The following ADIPOR2 variants were observed in gnomAD, a reference collection of about 807,000 sequenced individuals.
The protein encoded by ADIPOR2 is adiponectin receptor 2.
A neutral mutation model predicts 40.9 loss-of-function variants in ADIPOR2; 18 were observed. That is an observed-to-expected ratio of 0.44 (90% CI 0.30 to 0.65). The LOEUF is 0.65. Ranked by LOEUF, ADIPOR2 falls within the 30% of genes least tolerant of loss-of-function variation. ADIPOR2 has a pLI of 0.09. For missense variants in ADIPOR2, 283 were observed against 479.2 expected (o/e 0.59, Z 3.82); for synonymous variants, 165 against 166.4 (o/e 0.99, Z 0.06).
At chr12:1,736,411 C>G (rs546127047) in intron 1 of ADIPOR2, among the ~76,000 whole-genome samples, 60 of 152,238 alleles carry the variant, frequency 3.9e-4, no homozygotes, top group African/African-American at 1.4e-3. Context: ...TCTGATGGTA[C>G]TTTGTATTTC....
intron 1 of ADIPOR2, among the ~76,000 whole-genome samples, chr12:1,723,914 A>G (rs2094702766): frequency 6.6e-6 from 1 of 152,186 alleles, no homozygotes; most frequent in Admixed American, 6.5e-5. Flanking sequence ...AAATGCTGGA[A>G]GTAGTCCAGC....
Position 1,712,133 on chromosome 12 carries a change from G to A in ADIPOR2, c.-87+20942G>A, listed in dbSNP as rs151127175. 8.3e-4 allele frequency among the ~76,000 whole-genome samples: 127 copies of A among 152,206 alleles called. 1 individual carries two copies. Among genetic ancestry groups the A allele is most frequent in the African/African-American group, 2.9e-3 (120 of 41,484 alleles). On this transcript the variant is annotated intron_variant, in intron 1 of 7. Transcript: ENST00000357103. ...ATTCTTCACAGATGAACTGCCATCA[G>A]TGTATAGGTTAAGGTCAGGATTAGC...
chr12:1,708,459 T>C (rs1265362796), intron 1 of ADIPOR2, among the ~76,000 whole-genome samples: 2 of 152,210 alleles, frequency 1.3e-5, no homozygotes, highest in Non-Finnish European at 2.9e-5. Context: ...ACCAAGGTTG[T>C]AAAGATTTTC....
At chr12:1,728,296 A>G (rs2094712099) in intron 1 of ADIPOR2, among the ~76,000 whole-genome samples, 1 of 151,704 alleles carries the variant, frequency 6.6e-6, no homozygotes, top group South Asian at 2.1e-4. Flanking sequence ...TATTTTTAGT[A>G]GAGATGGGGT....
In ADIPOR2 at chr12:1,786,146, G is replaced by A; in HGVS notation, c.*74G>A. 1.3e-6 allele frequency: 2 copies of A among 1,558,132 alleles called. No homozygotes were observed. The highest frequency in any genetic ancestry group is 1.7e-6 in the Non-Finnish European group (2 of 1,153,988). On this transcript the variant is annotated 3_prime_UTR_variant, in exon 8 of 8. Transcript: ENST00000357103. ...CTTGCGGGCCTCCCTGCTGGCTACT[G>A]ATGCCAGTACCAGAGGAGCCCCAAA... is the stretch of plus-strand genomic sequence containing the variant.
intron 2 of ADIPOR2, among the ~76,000 whole-genome samples, chr12:1,759,507 G>A (rs763102964): frequency 6.6e-6 from 1 of 152,116 alleles, no homozygotes. Flanking sequence ...AAGATTTAAG[G>A]TAATTATGTG....
At chr12:1,691,430 C>G (rs965814061) in intron 1 of ADIPOR2, among the ~76,000 whole-genome samples, 56 of 152,196 alleles carry the variant, frequency 3.7e-4, no homozygotes, top group Non-Finnish European at 3.1e-4. Context: ...CTCCTTGCGA[C>G]CGCTGTCGGA....
Position 1,699,218 on chromosome 12 carries a change from A to C in ADIPOR2, c.-87+8027A>C, listed in dbSNP as rs115580107. On this transcript the variant is annotated intron_variant, in intron 1 of 7. Coordinates refer to ENST00000357103, the MANE Select transcript of ADIPOR2 (RefSeq NM_024551.3). ...GGTGGTAAGTAAATGGTCTTTTAAA[A>C]ATCTAAATTGGTTCATGAACCAGTA... is the stretch of plus-strand genomic sequence containing the variant. Among the ~76,000 whole-genome samples the C allele has an allele frequency of 3.0e-3, 452 of 152,314 alleles. 1 individual carries two copies. The highest frequency in any genetic ancestry group is 0.01 in the African/African-American group (435 of 41,558).
chr12:1,700,826 A>G (rs2154441362), intron 1 of ADIPOR2, among the ~76,000 whole-genome samples: 1 of 150,618 alleles, frequency 6.6e-6, no homozygotes, highest in East Asian at 1.9e-4. Context: ...AGGGCTAAGC[A>G]TTAAGATTTC....
chr12:1,717,420 T>C (rs2094689738), intron 1 of ADIPOR2, among the ~76,000 whole-genome samples: 1 of 152,174 alleles, frequency 6.6e-6, no homozygotes, highest in South Asian at 2.1e-4. Flanking sequence ...AAAATTTCAC[T>C]GAGCCACCGG....
intron 1 of ADIPOR2, among the ~76,000 whole-genome samples, chr12:1,752,956 C>A (rs750812843): frequency 2.7e-4 from 41 of 152,094 alleles, no homozygotes; most frequent in Non-Finnish European, 5.3e-4. Context: ...GTTTGGTATT[C>A]TTTAGATTTT....
intron 1 of ADIPOR2, among the ~76,000 whole-genome samples, chr12:1,711,623 TC>T (rs2094677160): frequency 1.8e-5 from 1 of 55,762 alleles, no homozygotes; most frequent in African/African-American, 3.7e-5. Context: ...CCTCTCTCTC[TC>T]TCTCTCTCTC....
Position 1,786,133 on chromosome 12 carries a change from C to A in ADIPOR2, c.*61C>A. On this transcript the variant is annotated 3_prime_UTR_variant, in exon 8 of 8. Coordinates refer to ENST00000357103, the MANE Select transcript of ADIPOR2 (RefSeq NM_024551.3). ...AGGGCCTGCGGCACTTGCGGGCCTC[C>A]CTGCTGGCTACTGATGCCAGTACCA... 1 of 1,573,428 alleles carries A rather than the reference C, an allele frequency of 6.4e-7. No individual in the cohort carries two copies. The highest frequency in any genetic ancestry group is 1.2e-5 in the South Asian group (1 of 84,600).
At chr12:1,749,341 C>A (rs2094763875) in intron 1 of ADIPOR2, among the ~76,000 whole-genome samples, 1 of 152,124 alleles carries the variant, frequency 6.6e-6, no homozygotes. Flanking sequence ...GTCTTAAGAC[C>A]CGCAATCAAA....
chr12:1,787,373 C>T lies in ADIPOR2; in HGVS notation c.*1301C>T, dbSNP rs1862859020. 1 of 152,268 alleles carries T rather than the reference C, an allele frequency of 6.6e-6. No individual in the cohort carries two copies. The highest frequency in any genetic ancestry group is 1.5e-5 in the Non-Finnish European group (1 of 68,066). The allele number at this position is 152,268 out of a possible 1,614,324, so 9.4% of individuals were successfully genotyped here. ...GGCTCTCCTTGAATAAGAAAGCCAG[C>T]AGAACTCTTAAAGCCAGTTGTAGTA... On this transcript the variant is annotated 3_prime_UTR_variant, in exon 8 of 8. Transcript: ENST00000357103.
intron 1 of ADIPOR2, among the ~76,000 whole-genome samples, chr12:1,752,758 A>G (rs1862028190): frequency 6.6e-6 from 1 of 152,192 alleles, no homozygotes; most frequent in Admixed American, 6.5e-5. Flanking sequence ...ACCTTTGTTG[A>G]TTCTCAGTAA....
At chr12:1,740,967 A>G (rs2094741653) in intron 1 of ADIPOR2, among the ~76,000 whole-genome samples, 2 of 152,200 alleles carry the variant, frequency 1.3e-5, no homozygotes, top group South Asian at 2.1e-4. Flanking sequence ...GGGAGCTTAA[A>G]TGGTAAGGGA....
Position 1,756,454 on chromosome 12 carries a change from T to TC in ADIPOR2, c.171+1940_171+1941insC, listed in dbSNP as rs1304628637. 8.4e-5 allele frequency among the ~76,000 whole-genome samples: 12 copies of TC among 143,296 alleles called. No homozygotes were observed. The East Asian group carries it at 9.8e-4, about 12-fold the overall frequency. 94.0% of individuals were successfully genotyped at this position (143,296 alleles called of 152,430 possible). ...CGTGAGCCACTGTGCCTGGCCTTCTTTTTTTTTTTTTTTTTTTAAAGGACC... is the reference window on the plus strand; with the variant it reads ...CGTGAGCCACTGTGCCTGGCCTTCTTCTTTTTTTTTTTTTTTTTAAAGGACC... On this transcript the variant is annotated intron_variant, in intron 2 of 7. Transcript: ENST00000357103.
rs546721251 is a variant in ADIPOR2 at position 1,728,719 on chromosome 12, G to A, written c.-86-25539G>A. On this transcript the variant is annotated intron_variant, in intron 1 of 7. Coordinates refer to ENST00000357103, the MANE Select transcript of ADIPOR2 (RefSeq NM_024551.3). ...AGGCTGGGCGACAGGGCAAGACTCC[G>A]TCTTAAAAAAAACAAAAATAAATAA... is the stretch of plus-strand genomic sequence containing the variant. Among the ~76,000 whole-genome samples the A allele has an allele frequency of 2.2e-4, 33 of 151,778 alleles. No individual in the cohort carries two copies. In the South Asian group the frequency reaches 3.7e-3, roughly 17 times the overall value.
Sources: gnomAD v4.1 joint callset for allele counts (sites outside exome capture counted in the v4.1 genomes callset) on GRCh38, gnomAD v4.1.1 for gene constraint, MANE v1.5 for transcripts, NCBI Gene and HGNC (gene_info 2026-07-23, HGNC 2026-07-21) for gene names.